LRRC4C: variants seen among roughly 807,000 people sequenced by gnomAD.
LRRC4C encodes leucine-rich repeat-containing protein 4C.
LRRC4C carries 5 observed loss-of-function variants against 33.6 expected under a neutral mutation model. The observed-to-expected ratio is 0.15, with a 90% CI of 0.08 to 0.31. The LOEUF is 0.31. Ranked by LOEUF, LRRC4C falls within the 10% of genes least tolerant of loss-of-function variation. The pLI, the probability that LRRC4C is intolerant of heterozygous loss-of-function variation, is 1.00. For synonymous variants in LRRC4C, 329 were observed against 302.0 expected (o/e 1.09, Z -0.93); for missense variants, 560 against 796.7 (o/e 0.70, Z 3.58).
chr11:41,248,258 G>A (rs773794272), intron 1 of LRRC4C, among the ~76,000 whole-genome samples: 1 of 151,980 alleles, frequency 6.6e-6, no homozygotes, highest in Non-Finnish European at 1.5e-5. Context: ...CCAAATCCTG[G>A]AAAGAACTGT....
intron 1 of LRRC4C, among the ~76,000 whole-genome samples, chr11:41,001,633 A>G (rs1003474238): frequency 3.3e-5 from 5 of 151,962 alleles, no homozygotes; most frequent in Non-Finnish European, 7.4e-5. Context: ...ATCCACCCAC[A>G]TTGCAAATAT....
intron 1 of LRRC4C, among the ~76,000 whole-genome samples, chr11:41,084,997 G>A (rs1438292577): frequency 3.9e-5 from 6 of 152,136 alleles, no homozygotes; most frequent in Admixed American, 3.3e-4. Context: ...TATATAAATA[G>A]TGGTTAAAAG....
chr11:40,912,407 A>C (rs1222428361), intron 2 of LRRC4C, among the ~76,000 whole-genome samples: 2 of 152,216 alleles, frequency 1.3e-5, no homozygotes, highest in African/African-American at 4.8e-5. Context: ...TTCTTAAAGA[A>C]AAGAATTTCC....
intron 5 of LRRC4C, among the ~76,000 whole-genome samples, chr11:40,212,882 T>C (rs1863707907): frequency 6.6e-6 from 1 of 152,094 alleles, no homozygotes; most frequent in African/African-American, 2.4e-5. Flanking sequence ...CAGCAGTAAC[T>C]TGGGGAGCAA....
At chr11:41,021,330 T>A (rs1855972373) in intron 1 of LRRC4C, among the ~76,000 whole-genome samples, 1 of 151,794 alleles carries the variant, frequency 6.6e-6, no homozygotes, top group African/African-American at 2.4e-5. Context: ...TTCTCTTCCT[T>A]TGCCACCTTC....
At chr11:41,161,459 C>T (rs1944467416) in intron 1 of LRRC4C, among the ~76,000 whole-genome samples, 1 of 152,258 alleles carries the variant, frequency 6.6e-6, no homozygotes, top group South Asian at 2.1e-4. Context: ...CAGATACTTA[C>T]CAGGACCTTT....
intron 4 of LRRC4C, among the ~76,000 whole-genome samples, chr11:40,312,099 G>C (rs1450477725): frequency 6.6e-6 from 1 of 152,038 alleles, no homozygotes; most frequent in Admixed American, 6.6e-5. Flanking sequence ...AACTCAAGAT[G>C]AACTATGGAG....
intron 3 of LRRC4C, among the ~76,000 whole-genome samples, chr11:40,336,209 C>T (rs1946592942): frequency 6.6e-6 from 1 of 152,174 alleles, no homozygotes; most frequent in Non-Finnish European, 1.5e-5. Flanking sequence ...GGCAGCTATT[C>T]GCTGAACCTC....
intron 6 of LRRC4C, among the ~76,000 whole-genome samples, chr11:40,136,220 C>T (rs1162042816): frequency 1.3e-5 from 2 of 150,016 alleles, no homozygotes; most frequent in African/African-American, 4.9e-5. Flanking sequence ...CACCTGGTCT[C>T]CTAAAAAAAA....
intron 3 of LRRC4C, among the ~76,000 whole-genome samples, chr11:40,413,483 C>G (rs111417040): frequency 0.011 from 1,727 of 152,224 alleles, 34 homozygotes; most frequent in African/African-American, 0.04. Flanking sequence ...CAAAGGTTGT[C>G]CCCTCAAGGG....
At chr11:41,185,025 G>C (rs1590870531) in intron 1 of LRRC4C, among the ~76,000 whole-genome samples, 1 of 152,034 alleles carries the variant, frequency 6.6e-6, no homozygotes, top group South Asian at 2.1e-4. Flanking sequence ...CATGCGAACA[G>C]CATGGGAAAG....
At chr11:40,566,599 A>C (rs186387565) in intron 3 of LRRC4C, among the ~76,000 whole-genome samples, 110 of 152,210 alleles carry the variant, frequency 7.2e-4, no homozygotes, top group Middle Eastern at 6.8e-3. Flanking sequence ...TTTTGTATGA[A>C]ATAATGGAAC....
rs1376678172 is a variant in LRRC4C, at chr11:40,605,667, AAAG to A, written c.-270+42472_-270+42474del. On this transcript the variant is annotated intron_variant, in intron 3 of 6. Transcript: ENST00000528697. The stretch of plus-strand genomic sequence containing the variant: ...TTTTCAGAATTTTGGGGTACCTGCC[AAAG>A]AAACTGCATCTCAGCAGTTTCTTTC... Among the ~76,000 whole-genome samples the A allele has an allele frequency of 2.9e-3, 449 of 152,308 alleles. 3 individuals are homozygous for A. Among genetic ancestry groups the A allele is most frequent in the African/African-American group, 9.6e-3 (401 of 41,582 alleles).
At chr11:40,501,853 TG>T (rs1253882619) in intron 3 of LRRC4C, among the ~76,000 whole-genome samples, 12 of 152,214 alleles carry the variant, frequency 7.9e-5, no homozygotes, top group African/African-American at 2.7e-4. Context: ...AATTTCTCCT[TG>T]GAAAATAGGA....
chr11:40,198,754 G>A (rs904916745), intron 5 of LRRC4C, among the ~76,000 whole-genome samples: 1 of 152,150 alleles, frequency 6.6e-6, no homozygotes, highest in East Asian at 1.9e-4. Flanking sequence ...CTAAATGGAT[G>A]CTAGTTTGTG....
chr11:40,307,034 T>C (rs1001980764), intron 4 of LRRC4C, among the ~76,000 whole-genome samples: 1 of 151,992 alleles, frequency 6.6e-6, no homozygotes, highest in Non-Finnish European at 1.5e-5. Flanking sequence ...TCTATCTATA[T>C]ACAATTTTTT....
intron 4 of LRRC4C, among the ~76,000 whole-genome samples, chr11:40,313,179 G>A (rs1945399662): frequency 6.6e-6 from 1 of 151,938 alleles, no homozygotes; most frequent in Non-Finnish European, 1.5e-5. Context: ...ATTTGTTTAT[G>A]TTAGTTTTTA....
chr11:40,192,342 G>A (rs1458200014), intron 5 of LRRC4C, among the ~76,000 whole-genome samples: 4 of 152,238 alleles, frequency 2.6e-5, no homozygotes, highest in Admixed American at 6.5e-5. Flanking sequence ...GTTGGGCATC[G>A]CCTCACCCAG....
At position 40,717,935 on chromosome 11, in the gene LRRC4C, T is replaced by A. The variant is rs534333093; in HGVS notation, c.-406-69657A>T. 1.8e-4 allele frequency among the ~76,000 whole-genome samples: 27 copies of A among 152,332 alleles called. No homozygotes were observed. The South Asian group carries it at 4.3e-3, about 25-fold the overall frequency. ...TATACCACAATTACTCTGTTTGCTATAACTGATATGGAACAGATATTAAGA... is the reference window on the plus strand; with the variant it reads ...TATACCACAATTACTCTGTTTGCTAAAACTGATATGGAACAGATATTAAGA... On this transcript the variant is annotated intron_variant, in intron 2 of 6. Transcript: ENST00000528697.
Sources: allele counts gnomAD v4.1 joint callset (sites outside exome capture counted in the v4.1 genomes callset), GRCh38; gene constraint gnomAD v4.1.1; transcripts MANE v1.5; gene names NCBI Gene and HGNC (gene_info 2026-07-23, HGNC 2026-07-21).